The following OTOP1 variants were observed in gnomAD, a reference collection of about 807,000 sequenced individuals.
The protein encoded by OTOP1 is otopetrin 1.
Under a neutral mutation model 52.9 loss-of-function variants are expected in OTOP1, and 59 were observed. The observed-to-expected ratio is 1.12, with a 90% CI of 0.91 to 1.39. The LOEUF (loss-of-function observed/expected upper bound fraction) is 1.39. Among genes scored for constraint, OTOP1 ranks in the 40% most tolerant of loss-of-function variants. The pLI is 0.00. For missense variants in OTOP1, 761 were observed against 800.9 expected, an observed-to-expected ratio of 0.95 and a Z score of 0.60; for synonymous variants, 317 against 337.7, an observed-to-expected ratio of 0.94 and a Z score of 0.67.
rs191628253 is a variant in OTOP1, at chr4:4,190,484, A to G, written c.1669-1511T>C. Among the ~76,000 whole-genome samples, 11 of 152,344 alleles carry G rather than the reference A, an allele frequency of 7.2e-5. No homozygotes were observed. The East Asian group carries it at 1.9e-3, about 27-fold the overall frequency. On this transcript the variant is annotated intron_variant, in intron 5 of 5. Transcript: ENST00000296358. ...TGAGGCTCTGTCTCAAAAAATAAAAATAAATAAATTCAAAAAATAAAATGG... is the reference window on the plus strand; with the variant it reads ...TGAGGCTCTGTCTCAAAAAATAAAAGTAAATAAATTCAAAAAATAAAATGG...
In OTOP1 at chr4:4,226,909, T is replaced by C; in HGVS notation, c.-45A>G. 2 of 1,291,642 alleles carry C rather than the reference T, an allele frequency of 1.5e-6. No individual in the cohort carries two copies. Among genetic ancestry groups the C allele is most frequent in the East Asian group, 3.2e-5 (1 of 31,706 alleles). The allele number at this position is 1,291,642 out of a possible 1,614,324, so 80.0% of individuals were successfully genotyped here. On this transcript the variant is annotated 5_prime_UTR_variant, in exon 1 of 6. Coordinates refer to ENST00000296358, the MANE Select transcript of OTOP1 (RefSeq NM_177998.3). ...AGTCTGGTCCCGGGGGTGGCTGCCG[T>C]CGGGCCCCGCCTGCGCTCCTGGCTC...
rs1716814308 is a variant in OTOP1, at chr4:4,202,593, G to A, written c.600-15C>T. ...TCACTCCAAACCTGAAAAACACAAG[G>A]ACTCAGTTCTCAAGCAGCCCTGGGA... On this transcript the variant is annotated splice_polypyrimidine_tract_variant and intron_variant, in intron 3 of 5. Coordinates refer to ENST00000296358, the MANE Select transcript of OTOP1 (RefSeq NM_177998.3). 1 of 1,612,814 alleles carries A rather than the reference G, an allele frequency of 6.2e-7. No homozygotes were observed. Among genetic ancestry groups the A allele is most frequent in the South Asian group, 1.1e-5 (1 of 91,046 alleles).
intron 2 of OTOP1, among the ~76,000 whole-genome samples, chr4:4,212,137 G>A (rs1301726671): frequency 6.6e-6 from 1 of 152,138 alleles, no homozygotes; most frequent in Non-Finnish European, 1.5e-5. Context: ...CAATTCAATA[G>A]TTCAGATCCT....
chr4:4,189,831 T>C (rs1408444957), intron 5 of OTOP1, among the ~76,000 whole-genome samples: 1 of 152,176 alleles, frequency 6.6e-6, no homozygotes, highest in African/African-American at 2.4e-5. Context: ...AGCTGAATCC[T>C]GCCAACAGTC....
chr4:4,216,527 G>C (rs772717913), intron 1 of OTOP1, among the ~76,000 whole-genome samples: 3 of 152,184 alleles, frequency 2.0e-5, no homozygotes, highest in Admixed American at 6.5e-5. Flanking sequence ...TCCAGCCTCA[G>C]AAGCCTCCTC....
rs199995113 is a variant in OTOP1, at chr4:4,198,120, G to A, written c.731-17C>T. 3.1e-6 allele frequency: 5 copies of A among 1,590,776 alleles called. No individual in the cohort carries two copies. Among genetic ancestry groups the A allele is most frequent in the East Asian group, 2.2e-5 (1 of 44,640 alleles). The stretch of plus-strand genomic sequence containing the variant: ...CATCTAAAACTAGGGGAGACAGGTA[G>A]ATCACACAGGAGGGCGATTAGCAGG... On this transcript the variant is annotated splice_polypyrimidine_tract_variant and intron_variant, in intron 4 of 5. Coordinates refer to ENST00000296358, the MANE Select transcript of OTOP1 (RefSeq NM_177998.3).
In OTOP1 at chr4:4,197,783, A is replaced by G. The variant is rs1370084338; in HGVS notation, c.1051T>C (p.Tyr351His). Residue 351 changes from tyrosine (Y) to histidine (H), a missense_variant, in exon 5 of 6, where the codon TAC becomes CAC. This residue lies in a region of OTOP1 where 632 missense variants were observed against 619.5 expected (regional missense o/e 1.02). Transcript: ENST00000296358. Reference sequence around the variant, plus strand: ...ATCAGCAGGGTGATGGCATACAGGTAGAACATGATGAGTGCCGACTCGCTC... The same window carrying G: ...ATCAGCAGGGTGATGGCATACAGGTGGAACATGATGAGTGCCGACTCGCTC... ...TKSESALIMF[Y>H]LYAITLLMLM... 2.5e-6 allele frequency: 4 copies of G among 1,614,042 alleles called. No individual in the cohort carries two copies. In the Admixed American group the frequency reaches 5.0e-5, roughly 20 times the overall value.
At chr4:4,200,571 T>C (rs1400898816) in intron 4 of OTOP1, among the ~76,000 whole-genome samples, 2 of 151,638 alleles carry the variant, frequency 1.3e-5, no homozygotes, top group African/African-American at 4.8e-5. Flanking sequence ...TTTTTCTTTT[T>C]TATATAGGGT....
At chr4:4,217,846 A>G (rs1231274960) in intron 1 of OTOP1, among the ~76,000 whole-genome samples, 1 of 152,182 alleles carries the variant, frequency 6.6e-6, no homozygotes, top group Non-Finnish European at 1.5e-5. Context: ...AGAGTCCCCA[A>G]AAGAGGGGAA....
Position 4,208,501 on chromosome 4 carries a change from T to C in OTOP1, c.541-2371A>G, listed in dbSNP as rs545638100. On this transcript the variant is annotated intron_variant, in intron 2 of 5. Transcript: ENST00000296358. ...TCATGGATGACCCTTGAGAACGTTA[T>C]GCTGTGAGAAATAAGCCAGACACAA... Among the ~76,000 whole-genome samples, 20 of 152,340 alleles carry C rather than the reference T, an allele frequency of 1.3e-4. No individual in the cohort carries two copies. In the South Asian group the frequency reaches 1.7e-3, roughly 13 times the overall value.
intron 2 of OTOP1, among the ~76,000 whole-genome samples, chr4:4,209,701 C>A (rs964723014): frequency 2.0e-5 from 3 of 152,124 alleles, no homozygotes; most frequent in Non-Finnish European, 4.4e-5. Flanking sequence ...ATTGTCCCCA[C>A]CTTGCAAGTA....
intron 3 of OTOP1, among the ~76,000 whole-genome samples, chr4:4,203,376 C>T (rs780153752): frequency 2.0e-5 from 3 of 152,094 alleles, no homozygotes; most frequent in South Asian, 4.1e-4. Flanking sequence ...TGTTGAGCTG[C>T]GGGAGATCCA....
chr4:4,196,660 C>T lies in OTOP1; in HGVS notation c.1668+506G>A, dbSNP rs557467087. Among the ~76,000 whole-genome samples, 9 of 152,152 alleles carry T rather than the reference C, an allele frequency of 5.9e-5. No individual in the cohort carries two copies. The South Asian group carries it at 1.7e-3, about 28-fold the overall frequency. Reference sequence around the variant, plus strand: ...GGAGGATTGCTTGAGCCCAGGAGGTCGAAGCTGCAGTGAGCTGTGATCATG... The same window carrying T: ...GGAGGATTGCTTGAGCCCAGGAGGTTGAAGCTGCAGTGAGCTGTGATCATG... On this transcript the variant is annotated intron_variant, in intron 5 of 5. Coordinates refer to ENST00000296358, the MANE Select transcript of OTOP1 (RefSeq NM_177998.3).
intron 1 of OTOP1, among the ~76,000 whole-genome samples, chr4:4,223,083 T>C (rs200184924): frequency 6.6e-6 from 1 of 152,196 alleles, no homozygotes; most frequent in Admixed American, 6.5e-5. Flanking sequence ...ACACACCTCA[T>C]TTGAATTACA....
Position 4,197,738 on chromosome 4 carries a change from G to C in OTOP1, c.1096C>G (p.Leu366Val), listed in dbSNP as rs781541032. The part of the protein sequence containing the change: ...TLLMLMGAAG[L>V]AGIRIYRIDE... ...ATCCTGTAAATCCGGATTCCAGCCAGCCCCGCAGCCCCCATAAGCATCAGC... is the reference window on the plus strand; with the variant it reads ...ATCCTGTAAATCCGGATTCCAGCCACCCCCGCAGCCCCCATAAGCATCAGC... Residue 366 changes from leucine (L) to valine (V), a missense_variant, in exon 5 of 6, where the codon CTG (leucine) becomes GTG (valine). Around this residue, in one of 3 missense-constraint regions of OTOP1, gnomAD observed 632 missense variants for 619.5 expected, o/e 1.02. Coordinates refer to ENST00000296358, the MANE Select transcript of OTOP1 (RefSeq NM_177998.3). 1.9e-6 allele frequency: 3 copies of C among 1,613,846 alleles called. No individual in the cohort carries two copies. In the South Asian group the frequency reaches 3.3e-5, roughly 18 times the overall value.
intron 5 of OTOP1, among the ~76,000 whole-genome samples, chr4:4,191,560 C>A (rs73077810): frequency 1.3e-5 from 2 of 152,200 alleles, no homozygotes; most frequent in South Asian, 4.1e-4. Flanking sequence ...TCACTCCCAC[C>A]GGGGGTTTTA....
At chr4:4,198,341 A>G (rs900765075) in intron 4 of OTOP1, among the ~76,000 whole-genome samples, 1 of 152,148 alleles carries the variant, frequency 6.6e-6, no homozygotes, top group Admixed American at 6.6e-5. Context: ...GCCAAAGAGG[A>G]TAGAGAAGAT....
chr4:4,208,780 T>TA (rs34906027), intron 2 of OTOP1, among the ~76,000 whole-genome samples: 22 of 146,184 alleles, frequency 1.5e-4, no homozygotes, highest in South Asian at 2.2e-4. Context: ...ATTGTCAAAC[T>TA]AAAAAAAAAA....
chr4:4,216,744 G>A (rs570817277), intron 1 of OTOP1, among the ~76,000 whole-genome samples: 1 of 152,342 alleles, frequency 6.6e-6, no homozygotes, highest in Admixed American at 6.5e-5. Flanking sequence ...GATGAGGCGA[G>A]GCAGCGTGGT....
Sources: allele counts gnomAD v4.1 joint callset (sites outside exome capture counted in the v4.1 genomes callset), GRCh38; gene constraint gnomAD v4.1.1; regional missense constraint gnomAD v4.1.1; transcripts MANE v1.5; gene names NCBI Gene and HGNC (gene_info 2026-07-23, HGNC 2026-07-21).